The following ITPR2 variants were observed in gnomAD, a reference collection of about 807,000 sequenced individuals.
The protein encoded by ITPR2 is inositol 1,4,5-trisphosphate receptor type 2.
ITPR2 carries 207 observed loss-of-function variants against 317.1 expected under a neutral mutation model. That is an observed-to-expected ratio of 0.65 (90% CI 0.58 to 0.73). The LOEUF is 0.73. Ranked by LOEUF, ITPR2 falls within the 30% of genes least tolerant of loss-of-function variation. ITPR2 has a pLI of 0.00. For synonymous variants in ITPR2, 1,156 were observed against 1,149.1 expected (o/e 1.01, Z -0.12); for missense variants, 2,613 against 3,284.0 (o/e 0.80, Z 4.99).
Position 26,475,437 on chromosome 12 carries a change from A to T in ITPR2, c.6220-19T>A. The T allele has an allele frequency of 4.4e-6, 7 of 1,596,744 alleles. No homozygotes were observed. Among genetic ancestry groups the T allele is most frequent in the Non-Finnish European group, 6.0e-6 (7 of 1,173,436 alleles). On this transcript the variant is annotated intron_variant, in intron 44 of 56. Coordinates refer to ENST00000381340, the MANE Select transcript of ITPR2 (RefSeq NM_002223.4). ...CATCCACCTATCCAAAAAAAAAAAG[A>T]ATATTGAAATGCCAGAAACAACATC...
intron 55 of ITPR2, among the ~76,000 whole-genome samples, chr12:26,350,156 C>A: frequency 6.6e-6 from 1 of 152,096 alleles, no homozygotes; most frequent in Non-Finnish European, 1.5e-5. Flanking sequence ...CTACTGGCTT[C>A]CTGACTTTAG....
intron 55 of ITPR2, among the ~76,000 whole-genome samples, chr12:26,386,053 T>C (rs1363074157): frequency 6.6e-6 from 1 of 152,172 alleles, no homozygotes. Flanking sequence ...TGTATATTGA[T>C]GAAACTTACT....
intron 2 of ITPR2, among the ~76,000 whole-genome samples, chr12:26,747,867 A>G (rs1433010458): frequency 6.6e-6 from 1 of 152,132 alleles, no homozygotes; most frequent in East Asian, 1.9e-4. Flanking sequence ...TTATTCTCCA[A>G]CAGATTTCTA....
At chr12:26,481,380 T>C in intron 42 of ITPR2, 139 bp from the exon 43 acceptor site, 1 of 577,660 alleles carries the variant, frequency 1.7e-6, no homozygotes, top group Non-Finnish European at 3.1e-6. Flanking sequence ...GCATTTGACT[T>C]ATTCTTTTGT....
chr12:26,449,355 A>G (rs534233400), intron 45 of ITPR2, among the ~76,000 whole-genome samples: 2 of 152,294 alleles, frequency 1.3e-5, no homozygotes, highest in African/African-American at 4.8e-5. Context: ...GGCTTTACGT[A>G]TTCTAATGTG....
At chr12:26,752,570 G>A (rs189315614) in intron 2 of ITPR2, among the ~76,000 whole-genome samples, 1 of 152,312 alleles carries the variant, frequency 6.6e-6, no homozygotes, top group East Asian at 1.9e-4. Flanking sequence ...GGGGAGGCAT[G>A]AATAATCCAC....
rs139059850 is a variant in ITPR2 at position 26,574,882 on chromosome 12, G to A, written c.4630+3831C>T. Among the ~76,000 whole-genome samples the A allele has an allele frequency of 1.2e-4, 18 of 151,982 alleles. No homozygotes were observed. In the East Asian group the frequency reaches 3.5e-3, roughly 29 times the overall value. On this transcript the variant is annotated intron_variant, in intron 34 of 56. Transcript: ENST00000381340. Reference sequence around the variant, plus strand: ...ACCAAGCAAGAACTCACTTATCACCGAGGGGATGGTGCTAGACCATTCATG... The same window carrying A: ...ACCAAGCAAGAACTCACTTATCACCAAGGGGATGGTGCTAGACCATTCATG...
intron 21 of ITPR2, among the ~76,000 whole-genome samples, chr12:26,639,341 A>T (rs1259499461): frequency 6.6e-6 from 1 of 152,160 alleles, no homozygotes; most frequent in Non-Finnish European, 1.5e-5. Context: ...CCCTTTGCGG[A>T]AGTAAAATCT....
At chr12:26,448,374 G>A (rs1416756110) in intron 45 of ITPR2, among the ~76,000 whole-genome samples, 1 of 151,198 alleles carries the variant, frequency 6.6e-6, no homozygotes, top group African/African-American at 2.4e-5. Context: ...TGCCATGGGG[G>A]GGAAATCTCT....
At chr12:26,642,372 AC>A (rs1379131554) in intron 21 of ITPR2, among the ~76,000 whole-genome samples, 1 of 152,128 alleles carries the variant, frequency 6.6e-6, no homozygotes, top group Non-Finnish European at 1.5e-5. Context: ...TGAGAGCACC[AC>A]CCTTATGAAT....
intron 1 of ITPR2, among the ~76,000 whole-genome samples, chr12:26,794,715 T>C (rs1392221858): frequency 6.6e-6 from 1 of 152,254 alleles, no homozygotes; most frequent in Non-Finnish European, 1.5e-5. Flanking sequence ...TACTGCTCTA[T>C]ATGTTTATAA....
intron 50 of ITPR2, 34 bp from the exon 51 acceptor site, chr12:26,415,532 A>G (rs764310073): frequency 3.3e-4 from 149 of 447,332 alleles, no homozygotes; most frequent in Middle Eastern, 1.6e-3. Flanking sequence ...ATAAGAAAAG[A>G]AGGCATTGGA....
At chr12:26,670,800 G>GA (rs1256779343) in intron 13 of ITPR2, among the ~76,000 whole-genome samples, 1 of 152,076 alleles carries the variant, frequency 6.6e-6, no homozygotes, top group African/African-American at 2.4e-5. Context: ...TAAAAACTTT[G>GA]AAAAAAATTT....
chr12:26,714,406 T>C (rs906009100), intron 8 of ITPR2, among the ~76,000 whole-genome samples: 3 of 152,184 alleles, frequency 2.0e-5, no homozygotes, highest in Non-Finnish European at 4.4e-5. Context: ...AACATATCCA[T>C]CCAAGATGGG....
intron 11 of ITPR2, among the ~76,000 whole-genome samples, chr12:26,685,337 T>C (rs1016560638): frequency 1.3e-5 from 2 of 152,196 alleles, no homozygotes; most frequent in African/African-American, 4.8e-5. Context: ...GGCTCATGCC[T>C]GTAATCTCGG....
chr12:26,415,623 C>A, intron 50 of ITPR2, 125 bp from the exon 51 acceptor site: 1 of 560,918 alleles, frequency 1.8e-6, no homozygotes, highest in Middle Eastern at 4.9e-4. Flanking sequence ...ATAACCTAAA[C>A]CACCTTAAAA....
At position 26,599,206 on chromosome 12, in the gene ITPR2, T is replaced by G. The variant is rs1382340225; in HGVS notation, c.3941A>C (p.Gln1314Pro). ...TTTACCATCTGCTTTTACAATTGTT[T>G]GCAAAAACCTCAGGTACTCCACGTG... ...GRHVEYLRFL[Q>P]TIVKADGKYV... Residue 1314 changes from glutamine to proline, a missense_variant, in exon 30 of 57, where the codon CAA becomes CCA. Transcript: ENST00000381340. 1.2e-6 allele frequency: 2 copies of G among 1,614,008 alleles called. No individual in the cohort carries two copies. The highest frequency in any genetic ancestry group is 1.7e-6 in the Non-Finnish European group (2 of 1,179,990).
chr12:26,496,752 G>A (rs1942939684), intron 37 of ITPR2, among the ~76,000 whole-genome samples: 1 of 151,958 alleles, frequency 6.6e-6, no homozygotes, highest in African/African-American at 2.4e-5. Flanking sequence ...GACTATCCTG[G>A]CTAACACAGT....
intron 54 of ITPR2, among the ~76,000 whole-genome samples, chr12:26,394,031 C>T (rs962906911): frequency 2.0e-4 from 30 of 152,234 alleles, no homozygotes; most frequent in Middle Eastern, 3.4e-3. Flanking sequence ...AGACATGGAT[C>T]TGGTTCTCTT....
Sources: allele counts gnomAD v4.1 joint callset (sites outside exome capture counted in the v4.1 genomes callset), GRCh38; gene constraint gnomAD v4.1.1; transcripts MANE v1.5; gene names NCBI Gene and HGNC (gene_info 2026-07-23, HGNC 2026-07-21).